Variants in PROP1 observed in about 807,000 individuals in gnomAD.
PROP1 encodes homeobox protein prophet of Pit-1.
PROP1 carries 12 observed loss-of-function variants against 22.3 expected under a neutral mutation model. The observed-to-expected ratio is 0.54, with a 90% CI of 0.34 to 0.87. The LOEUF is 0.87. Among genes scored for constraint, PROP1 ranks in the 40% least tolerant of loss-of-function variants. The pLI is 0.01. For missense variants in PROP1, 278 were observed against 295.1 expected, an observed-to-expected ratio of 0.94 and a Z score of 0.43; for synonymous variants, 112 against 116.7, an observed-to-expected ratio of 0.96 and a Z score of 0.26.
Position 177,992,740 on chromosome 5 carries a change from AG to A in PROP1, c.649del (p.Leu217SerfsTer19). 1 of 622,078 alleles carries A rather than the reference AG, an allele frequency of 1.6e-6. No individual in the cohort carries two copies. The highest frequency in any genetic ancestry group is 2.2e-6 in the Non-Finnish European group (1 of 448,824). 38.5% of individuals were successfully genotyped at this position (622,078 alleles called of 1,614,324 possible). ...CCAGGACTTGGATGGCTCAAGGCTG[AG>A]GGGGAGCATGGGAGGGGGTGGGGGG... ...PCPPPPPMLP[L>X]SLEPSKSWN On this transcript the variant is annotated frameshift_variant, in exon 3 of 3. Coordinates refer to ENST00000308304, the MANE Select transcript of PROP1 (RefSeq NM_006261.5). LOFTEE classifies it high-confidence loss of function.
rs781247441 is a variant in PROP1, at chr5:177,994,292, C to A, written c.156G>T (p.Gly52=). 1 of 1,612,000 alleles carries A rather than the reference C, an allele frequency of 6.2e-7. No homozygotes were observed. The highest frequency in any genetic ancestry group is 2.2e-5 in the East Asian group (1 of 44,810). ...CTCCTTGCGGGGAGAACCTTGATCT[C>A]CCCCCTCCTGCACCAGGGAGCCTTC... The part of the protein sequence containing the change: ...PCRRLPGAGG[G]RSRFSPQGGQ... The change falls in exon 2 of 3, where the codon GGG becomes GGT. Residue 52 remains glycine, a synonymous_variant. Coordinates refer to ENST00000308304, the MANE Select transcript of PROP1 (RefSeq NM_006261.5).
At chr5:177,993,101 C>T in intron 2 of PROP1, 54 bp from the exon 3 acceptor site, 4 of 1,468,348 alleles carry the variant, frequency 2.7e-6, no homozygotes, top group Non-Finnish European at 3.8e-6. Flanking sequence ...GGTGGTGACA[C>T]CCTACTCCAA....
At chr5:177,994,497 G>C (rs551712868) in intron 1 of PROP1, among the ~76,000 whole-genome samples, 159 bp from the exon 2 acceptor site, 1 of 152,190 alleles carries the variant, frequency 6.6e-6, no homozygotes, top group Non-Finnish European at 1.5e-5. Context: ...GAGTGCAGTG[G>C]TGTGATCACA....
intron 1 of PROP1, 69 bp downstream of exon 1, chr5:177,995,756 G>T: frequency 8.3e-7 from 1 of 1,200,768 alleles, no homozygotes; most frequent in Non-Finnish European, 1.2e-6. Context: ...CTTCTTCATG[G>T]AGCCTATGCT....
chr5:177,996,154 A>C lies in PROP1; in HGVS notation c.-221T>G. The C allele has an allele frequency of 3.4e-6, 2 of 587,338 alleles. No homozygotes were observed. Among genetic ancestry groups the C allele is most frequent in the Non-Finnish European group, 6.1e-6 (2 of 327,980 alleles). 36.4% of individuals were successfully genotyped at this position (587,338 alleles called of 1,614,324 possible). ...TCCTAATTCCCCCTTCCTTGGCTTG[A>C]GTGTCAGCTCAATCTCCTGCCTCAG... is the stretch of plus-strand genomic sequence containing the variant. On this transcript the variant is annotated 5_prime_UTR_variant, in exon 1 of 3. Transcript: ENST00000308304.
chr5:177,994,388 G>A (rs1755704983), intron 1 of PROP1, 50 bp from the exon 2 acceptor site: 2 of 1,475,604 alleles, frequency 1.4e-6, no homozygotes. Context: ...ACGCTCCTCG[G>A]TGCTGGACCA....
At position 177,994,060 on chromosome 5, in the gene PROP1, G is replaced by A. The variant is rs556955431; in HGVS notation, c.342+46C>T. ...CCCAACATTCTATGATAGCACCAAA[G>A]AAATCTGCATTTCTTTCCTGAGAGA... On this transcript the variant is annotated intron_variant, in intron 2 of 2. Coordinates refer to ENST00000308304, the MANE Select transcript of PROP1 (RefSeq NM_006261.5). The A allele has an allele frequency of 5.1e-5, 81 of 1,600,550 alleles. No homozygotes were observed. In the South Asian group the frequency reaches 8.1e-4, roughly 16 times the overall value.
In PROP1 at chr5:177,992,850, G is replaced by A. The variant is rs980492593; in HGVS notation, c.540C>T (p.Ser180=). 11 of 1,612,628 alleles carry A rather than the reference G, an allele frequency of 6.8e-6. No homozygotes were observed. The highest frequency in any genetic ancestry group is 1.7e-4 in the Middle Eastern group (1 of 5,940). ...GTGACAAAGCAAAGGCGCCTCCTGT[G>A]GAGGGCTGGGAAGGGAGGGCATGGC... is the stretch of plus-strand genomic sequence containing the variant. ...PYSHALPSQP[S]TGGAFALSHQ... Residue 180 remains serine (S), a synonymous_variant, in exon 3 of 3, where the codon TCC becomes TCT. Coordinates refer to ENST00000308304, the MANE Select transcript of PROP1 (RefSeq NM_006261.5).
chr5:177,994,084 G>A (rs775111089), intron 2 of PROP1, 22 bp downstream of exon 2: 1 of 1,610,290 alleles, frequency 6.2e-7, no homozygotes, highest in Non-Finnish European at 8.5e-7. Context: ...TTTCCTGAGA[G>A]AGGAGGATCC....
In PROP1 at chr5:177,992,433, C is replaced by T. The variant is rs1302626678; in HGVS notation, c.*276G>A. ...CCTCCTAGCCCTTCAATCATCTCCA[C>T]TCACCAGCAACTGTCTTCATCAATA... On this transcript the variant is annotated 3_prime_UTR_variant, in exon 3 of 3. Transcript: ENST00000308304. 1 of 489,464 alleles carries T rather than the reference C, an allele frequency of 2.0e-6. No homozygotes were observed. The highest frequency in any genetic ancestry group is 3.6e-6 in the Non-Finnish European group (1 of 275,806). 30.3% of individuals were successfully genotyped at this position (489,464 alleles called of 1,614,324 possible). A position where few individuals can be genotyped will look rare whatever the true frequency, so the allele number is the denominator to read the frequency against.
Position 177,992,355 on chromosome 5 carries a change from C to T in PROP1, c.*354G>A, listed in dbSNP as rs4604209. On this transcript the variant is annotated 3_prime_UTR_variant, in exon 3 of 3. Coordinates refer to ENST00000308304, the MANE Select transcript of PROP1 (RefSeq NM_006261.5). ...AGTCAGAAGCCTTACTGAAATCAGC[C>T]AGAAAGAGCTGGGATCTTCTTCAAT... 0.24 allele frequency: 66,790 copies of T among 276,194 alleles called. 8,819 individuals carry two copies. The highest frequency in any genetic ancestry group is 0.29 in the East Asian group (4,526 of 15,498). The allele number at this position is 276,194 out of a possible 1,614,324, so 17.1% of individuals were successfully genotyped here. A position where few individuals can be genotyped will look rare whatever the true frequency, so the allele number is the denominator to read the frequency against.
At chr5:177,993,928 T>C (rs1404126342) in intron 2 of PROP1, among the ~76,000 whole-genome samples, 178 bp downstream of exon 2, 1 of 152,210 alleles carries the variant, frequency 6.6e-6, no homozygotes, top group Non-Finnish European at 1.5e-5. Context: ...GATTAGCTTA[T>C]AGCTAGGGTT....
At chr5:177,993,330 C>T (rs1772699206) in intron 2 of PROP1, among the ~76,000 whole-genome samples, 1 of 152,134 alleles carries the variant, frequency 6.6e-6, no homozygotes, top group Admixed American at 6.5e-5. Context: ...ATTTCCCTTC[C>T]CCAGAGAATG....
Position 177,992,894 on chromosome 5 carries a change from A to G in PROP1, c.496T>C (p.Cys166Arg). The change falls in exon 3 of 3, where the codon TGC (cysteine) becomes CGC (arginine). Residue 166 changes from cysteine to arginine, a missense_variant. Coordinates refer to ENST00000308304, the MANE Select transcript of PROP1 (RefSeq NM_006261.5). ...SYAAPPPPVT[C>R]FPHPYSHALP... ...GCATGGCTGTAGGGGTGAGGGAAGC[A>G]GGTCACTGGTGGTGGTGGTGCTGCG... 6.2e-7 allele frequency: 1 copy of G among 1,613,814 alleles called. No homozygotes were observed. The highest frequency in any genetic ancestry group is 8.5e-7 in the Non-Finnish European group (1 of 1,179,944).
rs1772668243 is a variant in PROP1 at position 177,992,801 on chromosome 5, T to A, written c.589A>T (p.Thr197Ser). ...TGGCCGGCAGGGGCTGGGTGCAAGG[T>A]AGGGTACCAGTCCTCAGACTGGTGT... ...LSHQSEDWYP[T>S]LHPAPAGHLP... Residue 197 changes from threonine (T) to serine (S), a missense_variant, in exon 3 of 3, where the codon ACC becomes TCC. Transcript: ENST00000308304. The A allele has an allele frequency of 6.2e-7, 1 of 1,605,104 alleles. No individual in the cohort carries two copies. The highest frequency in any genetic ancestry group is 8.5e-7 in the Non-Finnish European group (1 of 1,176,210).
In PROP1 at chr5:177,995,965, C is replaced by T. The variant is rs1169939128; in HGVS notation, c.-32G>A. 3.8e-6 allele frequency: 6 copies of T among 1,591,038 alleles called. No individual in the cohort carries two copies. The highest frequency in any genetic ancestry group is 1.7e-4 in the Middle Eastern group (1 of 6,048). On this transcript the variant is annotated 5_prime_UTR_variant, in exon 1 of 3. Coordinates refer to ENST00000308304, the MANE Select transcript of PROP1 (RefSeq NM_006261.5). ...CCACGGGGACCAAGTGTCCCTGAAT[C>T]TCTGACTTGAGATTTCTCTGCTTCC... is the stretch of plus-strand genomic sequence containing the variant.
chr5:177,992,625 T>G lies in PROP1; in HGVS notation c.*84A>C. Reference sequence around the variant, plus strand: ...CCTCACCATGCATCTGCTTCACCCATAGATGGAAAGGAAGCCACCCCATTT... The same window carrying G: ...CCTCACCATGCATCTGCTTCACCCAGAGATGGAAAGGAAGCCACCCCATTT... On this transcript the variant is annotated 3_prime_UTR_variant, in exon 3 of 3. Coordinates refer to ENST00000308304, the MANE Select transcript of PROP1 (RefSeq NM_006261.5). 2 of 909,288 alleles carry G rather than the reference T, an allele frequency of 2.2e-6. No individual in the cohort carries two copies. The highest frequency in any genetic ancestry group is 3.4e-6 in the Non-Finnish European group (2 of 595,760). The allele number at this position is 909,288 out of a possible 1,614,324, so 56.3% of individuals were successfully genotyped here.
At chr5:177,993,621 G>T (rs1489766914) in intron 2 of PROP1, among the ~76,000 whole-genome samples, 1 of 151,742 alleles carries the variant, frequency 6.6e-6, no homozygotes, top group African/African-American at 2.4e-5. Context: ...GAGTGCAGTG[G>T]CATGATCTTG....
Position 177,992,667 on chromosome 5 carries a change from G to A in PROP1, c.*42C>T. 7.2e-7 allele frequency: 1 copy of A among 1,389,044 alleles called. No homozygotes were observed. Among genetic ancestry groups the A allele is most frequent in the Non-Finnish European group, 9.9e-7 (1 of 1,005,816 alleles). The allele number at this position is 1,389,044 out of a possible 1,614,324, so 86.0% of individuals were successfully genotyped here. ...ACCCCATTTTCTTGTCTTTTCACGA[G>A]GGCCGCAGGCTGGGGATCACCTTGG... On this transcript the variant is annotated 3_prime_UTR_variant, in exon 3 of 3. Coordinates refer to ENST00000308304, the MANE Select transcript of PROP1 (RefSeq NM_006261.5).
Sources: allele counts gnomAD v4.1 joint callset (sites outside exome capture counted in the v4.1 genomes callset), GRCh38; gene constraint gnomAD v4.1.1; transcripts MANE v1.5; gene names NCBI Gene and HGNC (gene_info 2026-07-23, HGNC 2026-07-21).